DCC: variants seen among roughly 807,000 people sequenced by gnomAD.
DCC encodes the protein DCC netrin 1 receptor.
DCC carries 58 observed loss-of-function variants against 172.5 expected under a neutral mutation model. The ratio of observed to expected loss-of-function variants is 0.34; its 90% confidence interval spans 0.27 to 0.42. The LOEUF (loss-of-function observed/expected upper bound fraction) is 0.42, where lower values mean the gene tolerates loss of function less well. Ranked by LOEUF, DCC falls within the 10% of genes least tolerant of loss-of-function variation. The pLI, the probability that DCC is intolerant of heterozygous loss-of-function variation, is 1.00. For synonymous variants in DCC, 709 were observed against 644.5 expected (o/e 1.10, Z -1.52); for missense variants, 1,740 against 1,791.0 (o/e 0.97, Z 0.51).
At chr18:52,477,111 CTCACTGTGGG>C in intron 1 of DCC, among the ~76,000 whole-genome samples, 1 of 152,192 alleles carries the variant, frequency 6.6e-6, no homozygotes, top group Non-Finnish European at 1.5e-5. Flanking sequence ...TTCATTTCCT[CTCACTGTGGG>C]TCAACGTTTT....
chr18:52,540,645 C>T (rs566890998), intron 1 of DCC, among the ~76,000 whole-genome samples: 4 of 96,052 alleles, frequency 4.2e-5, no homozygotes, highest in South Asian at 3.6e-4. Flanking sequence ...CTTGCTCTTT[C>T]GCCCAAGCCG....
chr18:52,352,011 G>A (rs1984144857), intron 1 of DCC, among the ~76,000 whole-genome samples: 1 of 152,078 alleles, frequency 6.6e-6, no homozygotes, highest in South Asian at 2.1e-4. Context: ...TAGCCTAGGG[G>A]GAAAAAGCAT....
chr18:52,360,640 A>G (rs114426420), intron 1 of DCC, among the ~76,000 whole-genome samples: 1,956 of 152,338 alleles, frequency 0.013, 41 homozygotes, highest in African/African-American at 0.041. Flanking sequence ...ATTAATCAAT[A>G]ACCCAATTTT....
At chr18:53,111,507 C>T (rs1207982954) in intron 7 of DCC, among the ~76,000 whole-genome samples, 1 of 151,008 alleles carries the variant, frequency 6.6e-6, no homozygotes, top group Non-Finnish European at 1.5e-5. Context: ...TTGTTAGTTG[C>T]AGCAGCTCAG....
intron 1 of DCC, among the ~76,000 whole-genome samples, chr18:52,680,471 G>A (rs1344926272): frequency 6.6e-6 from 1 of 152,118 alleles, no homozygotes; most frequent in African/African-American, 2.4e-5. Context: ...TTTGTCGTAT[G>A]TTCTCTCGGT....
intron 1 of DCC, among the ~76,000 whole-genome samples, chr18:52,434,338 C>T (rs1367554013): frequency 6.6e-6 from 1 of 152,162 alleles, no homozygotes; most frequent in Admixed American, 6.5e-5. Flanking sequence ...AAACATGCTA[C>T]TAAACATCTT....
intron 25 of DCC, among the ~76,000 whole-genome samples, chr18:53,478,785 G>T (rs140247553): frequency 1.4e-3 from 210 of 152,292 alleles, no homozygotes; most frequent in African/African-American, 4.8e-3. Flanking sequence ...TGGAGAAGCT[G>T]TTGAGAAGTG....
At chr18:52,917,441 C>T (rs2040059260) in intron 3 of DCC, among the ~76,000 whole-genome samples, 1 of 152,130 alleles carries the variant, frequency 6.6e-6, no homozygotes, top group East Asian at 1.9e-4. Flanking sequence ...AGGGGATATT[C>T]AATAATTTTC....
intron 15 of DCC, among the ~76,000 whole-genome samples, chr18:53,354,998 G>A (rs939697408): frequency 3.9e-5 from 6 of 152,038 alleles, no homozygotes; most frequent in Admixed American, 3.9e-4. Context: ...CATATGGCTA[G>A]CCAGTTTTCC....
At chr18:53,338,675 G>A (rs141339708) in intron 14 of DCC, among the ~76,000 whole-genome samples, 4 of 152,262 alleles carry the variant, frequency 2.6e-5, no homozygotes, top group Admixed American at 6.5e-5. Context: ...AGGAAACAGC[G>A]AAGAATGACA....
intron 9 of DCC, among the ~76,000 whole-genome samples, chr18:53,180,301 G>A (rs967010747): frequency 1.3e-5 from 2 of 152,166 alleles, no homozygotes; most frequent in African/African-American, 2.4e-5. Context: ...GCTAAGTTGT[G>A]CAAGTACTAC....
Position 53,530,968 on chromosome 18 carries a change from AT to A in DCC, c.*316del, listed in dbSNP as rs1467490340. 4 of 451,600 alleles carry A rather than the reference AT, an allele frequency of 8.9e-6. No homozygotes were observed. The highest frequency in any genetic ancestry group is 2.0e-5 in the African/African-American group (1 of 50,432). The allele number at this position is 451,600 out of a possible 1,614,324, so 28.0% of individuals were successfully genotyped here. A position where few individuals can be genotyped will look rare whatever the true frequency, so the allele number is the denominator to read the frequency against. Reference sequence around the variant, plus strand: ...TGCAGTGACCACACTGTCATAACTAATACCTATGTTTTCCTTTGTCAAGGCC... The same window carrying A: ...TGCAGTGACCACACTGTCATAACTAAACCTATGTTTTCCTTTGTCAAGGCC... On this transcript the variant is annotated 3_prime_UTR_variant, in exon 29 of 29. Coordinates refer to ENST00000442544, the MANE Select transcript of DCC (RefSeq NM_005215.4).
At chr18:52,436,271 C>T (rs1053281865) in intron 1 of DCC, among the ~76,000 whole-genome samples, 3 of 152,220 alleles carry the variant, frequency 2.0e-5, no homozygotes, top group African/African-American at 7.2e-5. Context: ...TTCTGGAAAG[C>T]CTGCTCCCAT....
intron 27 of DCC, among the ~76,000 whole-genome samples, chr18:53,520,484 A>G (rs2144590618): frequency 6.6e-6 from 1 of 152,206 alleles, no homozygotes; most frequent in Admixed American, 6.5e-5. Flanking sequence ...CACAAGGCAA[A>G]AGATTAAAGG....
intron 14 of DCC, among the ~76,000 whole-genome samples, chr18:53,323,804 C>T (rs754969404): frequency 6.6e-6 from 1 of 151,946 alleles, no homozygotes; most frequent in Middle Eastern, 3.4e-3. Flanking sequence ...AATACATTGG[C>T]GATTGAGGGG....
intron 5 of DCC, among the ~76,000 whole-genome samples, chr18:53,015,664 A>AT (rs573362431): frequency 2.6e-5 from 4 of 152,074 alleles, no homozygotes; most frequent in Admixed American, 1.3e-4. Context: ...ATAAAATGGT[A>AT]TTTTTTTATT....
intron 22 of DCC, among the ~76,000 whole-genome samples, chr18:53,447,185 G>A (rs1912666650): frequency 6.6e-6 from 1 of 152,150 alleles, no homozygotes. Flanking sequence ...TCACTAATTA[G>A]CATTTGTGGC....
At chr18:52,899,353 T>A in intron 2 of DCC, among the ~76,000 whole-genome samples, 1 of 138,276 alleles carries the variant, frequency 7.2e-6, no homozygotes, top group Non-Finnish European at 1.6e-5. Context: ...CTTTTTTTTT[T>A]TTTTTTTTTT....
intron 1 of DCC, among the ~76,000 whole-genome samples, chr18:52,620,492 C>T (rs913586768): frequency 1.3e-5 from 2 of 152,300 alleles, no homozygotes; most frequent in Middle Eastern, 3.4e-3. Flanking sequence ...AAATCTCTTC[C>T]TAAGCCCATT....
Sources: gnomAD v4.1 joint callset for allele counts (sites outside exome capture counted in the v4.1 genomes callset) on GRCh38, gnomAD v4.1.1 for gene constraint, MANE v1.5 for transcripts, NCBI Gene and HGNC (gene_info 2026-07-23, HGNC 2026-07-21) for gene names.